The following SCFD2 variants were observed in gnomAD, a reference collection of about 807,000 sequenced individuals.
The protein encoded by SCFD2 is sec1 family domain containing 2.
SCFD2 carries 54 observed loss-of-function variants against 58.9 expected under a neutral mutation model. The ratio of observed to expected loss-of-function variants is 0.92; its 90% CI spans 0.74 to 1.15. SCFD2 has a LOEUF of 1.15. Ranked by LOEUF, SCFD2 falls within the 50% of genes most tolerant of loss-of-function variation. The pLI, the probability that SCFD2 is intolerant of heterozygous loss-of-function variation, is 0.00. For synonymous variants in SCFD2, 321 were observed against 335.9 expected (o/e 0.96, Z 0.49); for missense variants, 805 against 836.6 (o/e 0.96, Z 0.47).
At position 53,239,088 on chromosome 4, in the gene SCFD2, C is replaced by G. The variant is rs11736231; in HGVS notation, c.1311+34738G>C. Among the ~76,000 whole-genome samples the G allele has an allele frequency of 8.4e-3, 1,267 of 150,786 alleles. 21 individuals are homozygous for G. The highest frequency in any genetic ancestry group is 0.029 in the African/African-American group (1,197 of 41,056). ...TGGGCACCATTGAGCACTGAGTGAA[C>G]GAGACTCCATCTGCAATCCCAGCAC... On this transcript the variant is annotated intron_variant, in intron 4 of 8. Coordinates refer to ENST00000401642, the MANE Select transcript of SCFD2 (RefSeq NM_152540.4).
chr4:53,080,788 G>A (rs1404235770), intron 5 of SCFD2, among the ~76,000 whole-genome samples: 1 of 152,074 alleles, frequency 6.6e-6, no homozygotes, highest in African/African-American at 2.4e-5. Context: ...GGGATGCACT[G>A]GAAATGATGT....
At chr4:53,141,855 G>A (rs1726176148) in intron 5 of SCFD2, among the ~76,000 whole-genome samples, 1 of 152,096 alleles carries the variant, frequency 6.6e-6, no homozygotes, top group African/African-American at 2.4e-5. Flanking sequence ...CCAGCTCTCA[G>A]AGAAAGACCA....
intron 5 of SCFD2, among the ~76,000 whole-genome samples, chr4:53,118,465 T>A (rs1228933314): frequency 6.6e-6 from 1 of 152,174 alleles, no homozygotes; most frequent in Non-Finnish European, 1.5e-5. Flanking sequence ...ATAAATCAAA[T>A]ATTTGTATCA....
chr4:53,116,836 A>G (rs973075507), intron 5 of SCFD2, among the ~76,000 whole-genome samples: 1 of 152,236 alleles, frequency 6.6e-6, no homozygotes, highest in African/African-American at 2.4e-5. Context: ...GGGAGATGGT[A>G]GAAGGCAGAT....
intron 4 of SCFD2, among the ~76,000 whole-genome samples, chr4:53,253,354 A>G (rs543342558): frequency 6.6e-6 from 1 of 152,254 alleles, no homozygotes; most frequent in Admixed American, 6.5e-5. Flanking sequence ...ATCTAGAACT[A>G]GAAATACCAT....
intron 5 of SCFD2, among the ~76,000 whole-genome samples, chr4:52,936,336 T>C (rs1171962792): frequency 6.6e-6 from 1 of 152,156 alleles, no homozygotes. Context: ...ATAGCCTCCA[T>C]TTCATTTTTC....
intron 4 of SCFD2, among the ~76,000 whole-genome samples, chr4:53,246,360 GAAC>G (rs549764324): frequency 1.0e-3 from 154 of 152,144 alleles, no homozygotes; most frequent in Non-Finnish European, 1.9e-3. Context: ...AATTCATATG[GAAC>G]AACAACGAAA....
intron 5 of SCFD2, among the ~76,000 whole-genome samples, chr4:53,005,058 C>T (rs1363034716): frequency 9.9e-5 from 15 of 152,202 alleles, no homozygotes; most frequent in Admixed American, 7.8e-4. Context: ...CCACCACATC[C>T]GGATAATTTT....
chr4:52,909,830 G>A (rs572719711), intron 6 of SCFD2, among the ~76,000 whole-genome samples: 21 of 152,088 alleles, frequency 1.4e-4, no homozygotes, highest in Middle Eastern at 3.4e-3. Flanking sequence ...TTCCAGAATC[G>A]TAAGATAATT....
intron 5 of SCFD2, among the ~76,000 whole-genome samples, chr4:53,046,706 C>T (rs1723049267): frequency 6.6e-6 from 1 of 152,076 alleles, no homozygotes; most frequent in Non-Finnish European, 1.5e-5. Context: ...CTTGCTCTGT[C>T]GCCCAGGCTG....
chr4:53,300,904 C>G (rs751404368), intron 3 of SCFD2, among the ~76,000 whole-genome samples: 7 of 152,000 alleles, frequency 4.6e-5, no homozygotes, highest in Non-Finnish European at 8.8e-5. Context: ...AAACCAACGA[C>G]AACAAAGACA....
At chr4:52,975,151 A>C (rs932333231) in intron 5 of SCFD2, among the ~76,000 whole-genome samples, 1 of 152,200 alleles carries the variant, frequency 6.6e-6, no homozygotes, top group African/African-American at 2.4e-5. Flanking sequence ...AATGGCAACA[A>C]AAGCCAAAAT....
rs1478727981 is a variant in SCFD2, at chr4:52,907,704, CTA to C, written c.1708-115_1708-114del. The C allele has an allele frequency of 4.5e-4, 389 of 857,894 alleles. 1 individual carries two copies. Among genetic ancestry groups the C allele is most frequent in the African/African-American group, 3.8e-3 (211 of 56,018 alleles). 53.1% of individuals were successfully genotyped at this position (857,894 alleles called of 1,614,324 possible). On this transcript the variant is annotated intron_variant, in intron 6 of 8. Transcript: ENST00000401642. ...AGTTTATTTTGATACTGAGCAATGC[CTA>C]TATGTGTGTGTGTGTGTGTGTGTGT...
At chr4:53,363,053 A>G (rs1327714417) in intron 1 of SCFD2, among the ~76,000 whole-genome samples, 1 of 152,230 alleles carries the variant, frequency 6.6e-6, no homozygotes, top group Non-Finnish European at 1.5e-5. Flanking sequence ...GACACTTGAT[A>G]AGGGAGAATC....
At chr4:53,193,126 TA>T (rs1280114417) in intron 4 of SCFD2, among the ~76,000 whole-genome samples, 8 of 152,116 alleles carry the variant, frequency 5.3e-5, no homozygotes, top group Non-Finnish European at 1.5e-5. Context: ...GTCAGCCAAA[TA>T]AAGTTTTCAG....
At chr4:53,308,548 A>G (rs1352814017) in intron 3 of SCFD2, among the ~76,000 whole-genome samples, 1 of 152,044 alleles carries the variant, frequency 6.6e-6, no homozygotes, top group Admixed American at 6.6e-5. Context: ...GCATGCACAC[A>G]TGCTCCTCTT....
intron 2 of SCFD2, among the ~76,000 whole-genome samples, chr4:53,332,549 C>A (rs1021014789): frequency 1.3e-5 from 2 of 152,104 alleles, no homozygotes; most frequent in African/African-American, 2.4e-5. Context: ...ATTCAACAAC[C>A]CTTAATGCTA....
chr4:53,084,885 G>A (rs149314272), intron 5 of SCFD2, among the ~76,000 whole-genome samples: 13 of 152,256 alleles, frequency 8.5e-5, no homozygotes, highest in Non-Finnish European at 1.5e-4. Context: ...AGGAACATAC[G>A]TTGACACAAT....
At chr4:53,258,577 T>TATATATATATATATACATATATAC in intron 4 of SCFD2, among the ~76,000 whole-genome samples, 1 of 121,406 alleles carries the variant, frequency 8.2e-6, no homozygotes, top group African/African-American at 3.2e-5. Flanking sequence ...TATATATATA[T>TATATATATATATATACATATATAC]ACACACACAT....
Sources: allele counts gnomAD v4.1 joint callset (sites outside exome capture counted in the v4.1 genomes callset), GRCh38; gene constraint gnomAD v4.1.1; transcripts MANE v1.5; gene names NCBI Gene and HGNC (gene_info 2026-07-23, HGNC 2026-07-21).